RPS6KA2: variants seen among roughly 807,000 people sequenced by gnomAD.
The protein encoded by RPS6KA2 is ribosomal protein S6 kinase alpha-2.
Under a neutral mutation model 91.8 loss-of-function variants are expected in RPS6KA2, and 42 were observed. The ratio of observed to expected loss-of-function variants is 0.46; its 90% CI spans 0.36 to 0.59. The LOEUF (loss-of-function observed/expected upper bound fraction) is 0.59, where lower values mean the gene tolerates loss of function less well. RPS6KA2 is among the 20% of genes least tolerant of loss of function. The probability of loss-of-function intolerance (pLI) is 0.00; values close to 1 mark genes in which losing one functional copy is unlikely to be tolerated. For synonymous variants in RPS6KA2, 414 were observed against 393.6 expected (o/e 1.05, Z -0.61); for missense variants, 798 against 978.5 (o/e 0.82, Z 2.46).
chr6:166,594,673 A>T (rs1031372154), intron 1 of RPS6KA2, among the ~76,000 whole-genome samples: 1 of 152,244 alleles, frequency 6.6e-6, no homozygotes, highest in African/African-American at 2.4e-5. Context: ...TGTGTTAGCC[A>T]GGATGGTCTC....
chr6:166,680,178 A>C lies in RPS6KA2; in HGVS notation c.124-141394T>G, dbSNP rs138193210. Among the ~76,000 whole-genome samples the C allele has an allele frequency of 7.7e-4, 117 of 152,246 alleles. 1 individual carries two copies. Among genetic ancestry groups the C allele is most frequent in the African/African-American group, 2.7e-3 (113 of 41,534 alleles). ...CCAATCAGCACTCTGTGTCTAGCTA[A>C]TCTGGTGGGGACTTGGAGAACTTTT... is the stretch of plus-strand genomic sequence containing the variant. On this transcript the variant is annotated intron_variant, in intron 2 of 21. Transcript: ENST00000503859.
rs141421282 is a variant in RPS6KA2 at position 166,672,920 on chromosome 6, C to T, written c.124-134136G>A. Among the ~76,000 whole-genome samples the T allele has an allele frequency of 2.1e-4, 32 of 152,306 alleles. No individual in the cohort carries two copies. In the East Asian group the frequency reaches 4.5e-3, roughly 21 times the overall value. On this transcript the variant is annotated intron_variant, in intron 2 of 21. Transcript: ENST00000503859. ...GGCAGAAGGAGGCTCCGCACTCTTC[C>T]GCGTCCCTGGCTTGGAGCGTGGGTT...
intron 10 of RPS6KA2, among the ~76,000 whole-genome samples, chr6:166,472,079 C>A (rs1345663060): frequency 1.3e-5 from 2 of 152,194 alleles, no homozygotes; most frequent in Non-Finnish European, 2.9e-5. Context: ...CTTCTGGTCA[C>A]GATGATTAAC....
intron 2 of RPS6KA2, among the ~76,000 whole-genome samples, chr6:166,760,494 C>T (rs1011844681): frequency 6.6e-6 from 1 of 152,226 alleles, no homozygotes; most frequent in East Asian, 1.9e-4. Context: ...ACCGCCCCCA[C>T]CCCCATCGCG....
At chr6:166,467,926 G>A (rs536654287) in intron 11 of RPS6KA2, among the ~76,000 whole-genome samples, 16 of 152,354 alleles carry the variant, frequency 1.1e-4, no homozygotes, top group South Asian at 2.1e-4. Context: ...CAGATCATAC[G>A]GGGAGAAGCT....
rs373662259 is a variant in RPS6KA2, at chr6:166,736,258, T to A, written c.123+121942A>T. On this transcript the variant is annotated intron_variant, in intron 2 of 21. Coordinates refer to the RPS6KA2 transcript ENST00000503859. Reference sequence around the variant, plus strand: ...CTCAAAGTATATTCAATCCACTGGGTCATTTTGTTCTGCTCTTTCTTGGAT... The same window carrying A: ...CTCAAAGTATATTCAATCCACTGGGACATTTTGTTCTGCTCTTTCTTGGAT... Among the ~76,000 whole-genome samples the A allele has an allele frequency of 8.5e-5, 13 of 152,300 alleles. No individual in the cohort carries two copies. The East Asian group carries it at 9.6e-4, about 11-fold the overall frequency.
intron 7 of RPS6KA2, among the ~76,000 whole-genome samples, chr6:166,499,410 C>A (rs921562332): frequency 2.0e-5 from 3 of 152,206 alleles, no homozygotes; most frequent in African/African-American, 7.2e-5. Context: ...GCAGAAGGGA[C>A]TGATATGGTT....
chr6:166,515,378 C>T (rs1396570818), intron 3 of RPS6KA2, among the ~76,000 whole-genome samples: 1 of 152,188 alleles, frequency 6.6e-6, no homozygotes, highest in Non-Finnish European at 1.5e-5. Flanking sequence ...GTGAAGTCAG[C>T]ATCTCTGTAA....
intron 2 of RPS6KA2, among the ~76,000 whole-genome samples, chr6:166,769,479 CTG>C (rs576584300): frequency 1.5e-3 from 221 of 152,294 alleles, no homozygotes; most frequent in Middle Eastern, 3.4e-3. Flanking sequence ...GTAATCCAAA[CTG>C]GGATTCAGGC....
At chr6:166,799,837 C>T (rs918008093) in intron 2 of RPS6KA2, among the ~76,000 whole-genome samples, 9 of 151,910 alleles carry the variant, frequency 5.9e-5, no homozygotes, top group Non-Finnish European at 2.9e-5. Flanking sequence ...GTGATTTCTG[C>T]GATCTGGGTG....
rs999788262 is a variant in RPS6KA2, at chr6:166,648,081, G to T, written c.124-109297C>A. Among the ~76,000 whole-genome samples the T allele has an allele frequency of 2.3e-5, 3 of 128,920 alleles. No individual in the cohort carries two copies. The highest frequency in any genetic ancestry group is 4.9e-5 in the Non-Finnish European group (3 of 61,620). 84.6% of individuals were successfully genotyped at this position (128,920 alleles called of 152,430 possible). On this transcript the variant is annotated intron_variant, in intron 2 of 21. Transcript: ENST00000503859. The surrounding 1 kb of genome is among the most constrained non-coding windows in gnomAD (Gnocchi z 4.8). ...GCTCACACACATGCACACGCACATG[G>T]TCATACACACACGCTCATACACACA...
intron 1 of RPS6KA2, among the ~76,000 whole-genome samples, chr6:166,585,928 T>C (rs1167091728): frequency 4.1e-5 from 1 of 24,606 alleles, no homozygotes; most frequent in Non-Finnish European, 6.8e-5. Flanking sequence ...AGCAATATAA[T>C]CCACAGTTTC....
intron 2 of RPS6KA2, among the ~76,000 whole-genome samples, chr6:166,744,510 C>T (rs543629508): frequency 1.8e-4 from 28 of 152,344 alleles, no homozygotes; most frequent in South Asian, 1.7e-3. Flanking sequence ...TAAGAAAAAA[C>T]GGTGCTGGGC....
chr6:166,730,959 T>C (rs1473558438), intron 2 of RPS6KA2, among the ~76,000 whole-genome samples: 1 of 152,150 alleles, frequency 6.6e-6, no homozygotes, highest in Non-Finnish European at 1.5e-5. Context: ...ATAGATGTCA[T>C]CCGCCGGGTG....
intron 1 of RPS6KA2, among the ~76,000 whole-genome samples, chr6:166,570,486 A>C (rs7760282): frequency 0.63 from 95,154 of 152,140 alleles, 31,181 homozygotes; most frequent in East Asian, 0.85. Context: ...TTAGGATATA[A>C]GAAATTGCCA....
chr6:166,824,032 A>G lies in RPS6KA2; in HGVS notation c.123+34168T>C, dbSNP rs115805506. ...TTCAATAATTCCATACAACGATTCT[A>G]TAATTCTATCTCTGGTTGGTTGTGT... On this transcript the variant is annotated intron_variant, in intron 2 of 21. Transcript: ENST00000503859. Among the ~76,000 whole-genome samples the G allele has an allele frequency of 4.7e-3, 711 of 152,136 alleles. 7 individuals carry two copies. Among genetic ancestry groups the G allele is most frequent in the African/African-American group, 0.016 (681 of 41,516 alleles).
rs117972878 is a variant in RPS6KA2, at chr6:166,603,726, T to C, written c.99+23195A>G. Among the ~76,000 whole-genome samples, 63 of 152,270 alleles carry C rather than the reference T, an allele frequency of 4.1e-4. No homozygotes were observed. In the East Asian group the frequency reaches 0.012, roughly 29 times the overall value. ...ACAAAGTTAACAGGCACAGGAAGGA[T>C]ACTGAATATTGCGAGGTTGCAGAAG... is the stretch of plus-strand genomic sequence containing the variant. On this transcript the variant is annotated intron_variant, in intron 1 of 20. Transcript: ENST00000265678. The surrounding 1 kb of genome is among the most constrained non-coding windows in gnomAD (Gnocchi z 4.3).
chr6:166,422,597 G>A (rs952446766), intron 17 of RPS6KA2, among the ~76,000 whole-genome samples: 3 of 152,124 alleles, frequency 2.0e-5, no homozygotes, highest in Non-Finnish European at 4.4e-5. Context: ...CAAGAAATTG[G>A]GCTTAGATTT....
rs191430630 is a variant in RPS6KA2, at chr6:166,856,897, C to T, written c.123+1303G>A. ...GCAAAAGCAGCGCTATCTACTTTTC[C>T]AGGGGATGCAAAGGTACAAGGCCAG... is the stretch of plus-strand genomic sequence containing the variant. On this transcript the variant is annotated intron_variant, in intron 2 of 21. Transcript: ENST00000503859. 2.0e-3 allele frequency among the ~76,000 whole-genome samples: 299 copies of T among 152,296 alleles called. 2 individuals carry two copies. The highest frequency in any genetic ancestry group is 6.9e-3 in the African/African-American group (286 of 41,558).
Sources: allele counts gnomAD v4.1 joint callset (sites outside exome capture counted in the v4.1 genomes callset), GRCh38; gene constraint gnomAD v4.1.1; non-coding constraint Gnocchi (gnomAD v3.1); transcripts MANE v1.5; gene names NCBI Gene and HGNC (gene_info 2026-07-23, HGNC 2026-07-21).